ACOT1: variants seen among roughly 807,000 people sequenced by gnomAD.
ACOT1 encodes the protein acyl-coenzyme A thioesterase 1.
In ACOT1, 8 loss-of-function variants were observed where a neutral mutation model predicts 15.7. That is an observed-to-expected ratio of 0.51 (90% CI 0.30 to 0.92). ACOT1 has a LOEUF of 0.92. ACOT1 is among the 40% of genes least tolerant of loss of function. The pLI is 0.06. For synonymous variants in ACOT1, 67 were observed against 241.2 expected (o/e 0.28, Z 6.69); for missense variants, 151 against 539.4 (o/e 0.28, Z 7.13).
the ACOT1 span, among the ~76,000 whole-genome samples, chr14:73,508,678 G>A: frequency 6.6e-6 from 1 of 150,588 alleles, no homozygotes; most frequent in Non-Finnish European, 1.5e-5. Flanking sequence ...GAACCCAGGA[G>A]GCGGAGGTTG....
At chr14:73,514,619 C>A in the ACOT1 span, among the ~76,000 whole-genome samples, 16 of 152,284 alleles carry the variant, frequency 1.1e-4, no homozygotes, top group East Asian at 3.1e-3. Flanking sequence ...GCCATTATTT[C>A]TAAAGTATTA....
the ACOT1 span, chr14:73,520,011 A>G: frequency 6.6e-6 from 1 of 152,210 alleles, no homozygotes; most frequent in Non-Finnish European, 1.5e-5. Flanking sequence ...AACAAAAGAA[A>G]AGAACCTATG....
chr14:73,493,117 C>T, the ACOT1 span: 1 of 1,612,366 alleles, frequency 6.2e-7, no homozygotes, highest in Non-Finnish European at 8.5e-7. Flanking sequence ...TAGGAAGAAC[C>T]ATCTCATCTA....
the ACOT1 span, among the ~76,000 whole-genome samples, chr14:73,514,543 A>G: frequency 6.6e-6 from 1 of 152,230 alleles, no homozygotes; most frequent in African/African-American, 2.4e-5. Flanking sequence ...CTTTAGGAAC[A>G]TAAATATGTT....
chr14:73,517,728 G>A, the ACOT1 span, among the ~76,000 whole-genome samples: 1 of 149,390 alleles, frequency 6.7e-6, no homozygotes, highest in African/African-American at 2.5e-5. Context: ...GGGGAAGAGA[G>A]GAAAGGGAGA....
chr14:73,524,308 A>ATATATAT, the ACOT1 span, among the ~76,000 whole-genome samples: 392 of 83,198 alleles, frequency 4.7e-3, no homozygotes, highest in Non-Finnish European at 6.9e-3. Flanking sequence ...AAAAAAAAAA[A>ATATATAT]AAATATATAT....
chr14:73,491,083 C>A, the ACOT1 span: 1 of 1,599,494 alleles, frequency 6.3e-7, no homozygotes, highest in Non-Finnish European at 8.5e-7. Context: ...GGCGCAAGCC[C>A]CAGCCACACA....
the ACOT1 span, among the ~76,000 whole-genome samples, chr14:73,508,751 C>CAAAAAAAA: frequency 1.7e-5 from 1 of 57,880 alleles, no homozygotes. Flanking sequence ...AACTCTGTCT[C>CAAAAAAAA]AAAAAAAAAA....
At chr14:73,494,501 G>T in the ACOT1 span, among the ~76,000 whole-genome samples, 3 of 152,150 alleles carry the variant, frequency 2.0e-5, no homozygotes, top group Non-Finnish European at 4.4e-5. Flanking sequence ...AAGTAAAAAT[G>T]ATAGTTCTCC....
At chr14:73,498,491 T>A in the ACOT1 span, 5 of 649,112 alleles carry the variant, frequency 7.7e-6, no homozygotes, top group African/African-American at 1.8e-5. Context: ...AATGGGACAT[T>A]ACCTCCAAAG....
At chr14:73,503,082 G>T in the ACOT1 span, 1 of 1,274,226 alleles carries the variant, frequency 7.8e-7, no homozygotes, top group Non-Finnish European at 1.1e-6. Context: ...GCGTTGTGCT[G>T]TTTTTTCTTC....
At chr14:73,504,495 G>A in the ACOT1 span, among the ~76,000 whole-genome samples, 1 of 152,020 alleles carries the variant, frequency 6.6e-6, no homozygotes, top group Non-Finnish European at 1.5e-5. Context: ...GCCCTCCTTG[G>A]CCTCCCAAAG....
the ACOT1 span, chr14:73,491,229 C>T: frequency 1.3e-6 from 2 of 1,590,106 alleles, no homozygotes; most frequent in East Asian, 2.3e-5. Flanking sequence ...GTGGAGTCGA[C>T]GGCCGACGAC....
chr14:73,525,839 G>A, the ACOT1 span, among the ~76,000 whole-genome samples: 1 of 152,018 alleles, frequency 6.6e-6, no homozygotes, highest in African/African-American at 2.4e-5. Flanking sequence ...TATAATCCCA[G>A]CTACTTGGGA....
At chr14:73,495,327 T>C in the ACOT1 span, 1 of 1,614,050 alleles carries the variant, frequency 6.2e-7, no homozygotes, top group Non-Finnish European at 8.5e-7. Flanking sequence ...ACTTTTCCCA[T>C]GACCATCTCC....
At chr14:73,523,144 C>G in the ACOT1 span, 1 of 1,591,638 alleles carries the variant, frequency 6.3e-7, no homozygotes, top group Non-Finnish European at 8.5e-7. Flanking sequence ...CCTTCTGGGT[C>G]CTGGTCATAC....
At chr14:73,491,136 G>A in the ACOT1 span, 1 of 1,607,580 alleles carries the variant, frequency 6.2e-7, no homozygotes, top group Non-Finnish European at 8.5e-7. Context: ...AGGAAGATAC[G>A]AAAGCAGCTG....
the ACOT1 span, among the ~76,000 whole-genome samples, chr14:73,494,041 C>T: frequency 6.6e-6 from 1 of 152,224 alleles, no homozygotes. Context: ...ATAAGGGCAG[C>T]ATGTCACCTA....
chr14:73,512,411 A>ATTT, the ACOT1 span, among the ~76,000 whole-genome samples: 1 of 152,180 alleles, frequency 6.6e-6, no homozygotes, highest in Non-Finnish European at 1.5e-5. Context: ...TTTTCGTTGT[A>ATTT]ACCATCTGGG....
Sources: allele counts gnomAD v4.1 joint callset (sites outside exome capture counted in the v4.1 genomes callset), GRCh38; gene constraint gnomAD v4.1.1; transcripts MANE v1.5; gene names NCBI Gene and HGNC (gene_info 2026-07-23, HGNC 2026-07-21).